NALCN: variants seen among roughly 807,000 people sequenced by gnomAD.
NALCN encodes the protein sodium leak channel, non-selective.
NALCN carries 111 observed loss-of-function variants against 225.3 expected under a neutral mutation model. The observed-to-expected ratio is 0.49, with a 90% CI of 0.42 to 0.58. The LOEUF (loss-of-function observed/expected upper bound fraction) is 0.58, where lower values mean the gene tolerates loss of function less well. NALCN is among the 20% of genes least tolerant of loss of function. NALCN has a pLI of 0.00. For missense variants in NALCN, 1,378 were observed against 2,202.4 expected (o/e 0.63, Z 7.49); for synonymous variants, 764 against 769.0 (o/e 0.99, Z 0.11).
chr13:101,286,864 T>TACACACACACACACACAC (rs71121180), intron 9 of NALCN, among the ~76,000 whole-genome samples: 1 of 146,956 alleles, frequency 6.8e-6, no homozygotes, highest in Non-Finnish European at 1.5e-5. Context: ...CCAGGTATTA[T>TACACACACACACACACAC]ACACACACAC....
chr13:101,393,967 A>G (rs996370556), intron 3 of NALCN, among the ~76,000 whole-genome samples: 3 of 152,238 alleles, frequency 2.0e-5, no homozygotes, highest in Non-Finnish European at 4.4e-5. Flanking sequence ...GTCTTGTTAC[A>G]AATATTTTAT....
At chr13:101,111,039 G>T in intron 19 of NALCN, 86 bp downstream of exon 19, 12 of 1,368,886 alleles carry the variant, frequency 8.8e-6, no homozygotes, top group Non-Finnish European at 1.2e-5. Context: ...AGCCAGGGCT[G>T]ACAGCCGTGA....
chr13:101,158,246 T>C (rs1212069644), intron 15 of NALCN, among the ~76,000 whole-genome samples: 4 of 152,222 alleles, frequency 2.6e-5, no homozygotes, highest in South Asian at 2.1e-4. Context: ...TTCTTTTTTG[T>C]ATAAGGAGAG....
intron 13 of NALCN, among the ~76,000 whole-genome samples, chr13:101,207,339 G>A (rs1231913646): frequency 6.6e-6 from 1 of 152,094 alleles, no homozygotes; most frequent in Non-Finnish European, 1.5e-5. Context: ...GTAAGTTAAG[G>A]TTGTATTTCA....
intron 1 of NALCN, among the ~76,000 whole-genome samples, chr13:101,415,401 C>T (rs1324838692): frequency 1.3e-5 from 2 of 151,916 alleles, no homozygotes; most frequent in African/African-American, 4.8e-5. Context: ...CCTTCTGAGG[C>T]CTGAAAGTGA....
At chr13:101,168,031 T>A (rs1000124307) in intron 15 of NALCN, among the ~76,000 whole-genome samples, 1 of 152,052 alleles carries the variant, frequency 6.6e-6, no homozygotes, top group Non-Finnish European at 1.5e-5. Context: ...ATGGTGACTA[T>A]TTTTTTGACC....
intron 7 of NALCN, among the ~76,000 whole-genome samples, chr13:101,299,359 A>T (rs1367366159): frequency 2.0e-5 from 3 of 152,226 alleles, no homozygotes; most frequent in Non-Finnish European, 1.5e-5. Flanking sequence ...ATAGTGCAAA[A>T]TGTTCCCAAA....
intron 43 of NALCN, 94 bp downstream of exon 43, chr13:101,057,845 A>G (rs929514750): frequency 1.1e-6 from 1 of 932,778 alleles, no homozygotes; most frequent in African/African-American, 1.6e-5. Context: ...GTAGATGCAG[A>G]CTTGCATTTT....
Position 101,143,193 on chromosome 13 carries a change from G to A in NALCN, c.2005C>T (p.Arg669Cys), listed in dbSNP as rs754995809. ...AGGCAACATGTGTCCTGTTGCTGGC[G>A]GTCAATAAACTGCTTCATAAAACTC... ...RESFMKQFID[R>C]QQQDTCCLLR... Residue 669 changes from arginine (R) to cysteine (C), a missense_variant, in exon 17 of 44, where the codon CGC becomes TGC. Around this residue, in one of 19 missense-constraint regions of NALCN, gnomAD observed 100 missense variants for 89.4 expected, o/e 1.12. Transcript: ENST00000251127. 17 of 1,612,010 alleles carry A rather than the reference G, an allele frequency of 1.1e-5. No homozygotes were observed. In the South Asian group the frequency reaches 1.2e-4, roughly 12 times the overall value.
At chr13:101,082,002 C>T (rs933148255) in intron 33 of NALCN, among the ~76,000 whole-genome samples, 2 of 151,976 alleles carry the variant, frequency 1.3e-5, no homozygotes, top group Admixed American at 6.6e-5. Flanking sequence ...CTCAGCCTCC[C>T]GAGTAGCTGA....
intron 17 of NALCN, among the ~76,000 whole-genome samples, chr13:101,127,869 C>A (rs948210262): frequency 1.3e-5 from 2 of 152,020 alleles, no homozygotes; most frequent in African/African-American, 2.4e-5. Context: ...TAAAGCTTTG[C>A]GAATTTTTTT....
intron 6 of NALCN, among the ~76,000 whole-genome samples, chr13:101,367,851 G>A (rs893836273): frequency 3.9e-5 from 6 of 152,004 alleles, no homozygotes; most frequent in African/African-American, 9.7e-5. Context: ...AGAATAAAAT[G>A]CCAACTTGTA....
At chr13:101,059,747 TTTTA>T in intron 42 of NALCN, 67 bp downstream of exon 42, 2 of 1,415,500 alleles carry the variant, frequency 1.4e-6, no homozygotes, top group Non-Finnish European at 2.0e-6. Context: ...CCAGCACCCA[TTTTA>T]TTTATTTTTA....
chr13:101,237,771 T>A lies in NALCN; in HGVS notation c.1418A>T (p.Gln473Leu). 6.3e-7 allele frequency: 1 copy of A among 1,579,256 alleles called. No individual in the cohort carries two copies. The highest frequency in any genetic ancestry group is 2.3e-5 in the East Asian group (1 of 43,036). Residue 473 changes from glutamine (Q) to leucine (L), a missense_variant, in exon 12 of 44, where the codon CAA (glutamine) becomes CTA (leucine). By Grantham distance (113) the Gln-to-Leu change is moderately radical. Around this residue, in one of 19 missense-constraint regions of NALCN, gnomAD observed 144 missense variants for 187.7 expected, o/e 0.77. Coordinates refer to ENST00000251127, the MANE Select transcript of NALCN (RefSeq NM_052867.4). ...LHVYPDLYHS[Q>L]FTYFQVLRVV... is the part of the protein sequence containing the mutation. ...TTTTATTACCTGAAAGTACGTGAAT[T>A]GTGAATGATAAAGATCTGGGTATAC... is the stretch of plus-strand genomic sequence containing the variant.
chr13:101,087,516 C>G (rs2033992381), intron 30 of NALCN, among the ~76,000 whole-genome samples: 1 of 150,558 alleles, frequency 6.6e-6, no homozygotes, highest in Non-Finnish European at 1.5e-5. Flanking sequence ...AGAAACTTTT[C>G]TAAAAGGCTC....
chr13:101,290,434 T>G (rs1057194328), intron 9 of NALCN, among the ~76,000 whole-genome samples: 2 of 152,240 alleles, frequency 1.3e-5, no homozygotes, highest in African/African-American at 2.4e-5. Flanking sequence ...GACCGGGAAC[T>G]TTCTTATCTC....
intron 1 of NALCN, among the ~76,000 whole-genome samples, chr13:101,406,039 T>C (rs73566036): frequency 0.022 from 3,397 of 151,768 alleles, 111 homozygotes; most frequent in East Asian, 0.11. Flanking sequence ...TTTCAGGCCA[T>C]GTGTGGTGGC....
chr13:101,358,402 T>C (rs1243867175), intron 6 of NALCN, among the ~76,000 whole-genome samples: 1 of 152,118 alleles, frequency 6.6e-6, no homozygotes, highest in African/African-American at 2.4e-5. Flanking sequence ...GAACAGACTC[T>C]TCTCAAAAGA....
chr13:101,268,493 G>A (rs1264324393), intron 10 of NALCN, among the ~76,000 whole-genome samples: 3 of 152,042 alleles, frequency 2.0e-5, no homozygotes, highest in Non-Finnish European at 4.4e-5. Flanking sequence ...ACTATTTTCT[G>A]GGCTTTTCTA....
Sources: allele counts gnomAD v4.1 joint callset (sites outside exome capture counted in the v4.1 genomes callset), GRCh38; gene constraint gnomAD v4.1.1; regional missense constraint gnomAD v4.1.1; transcripts MANE v1.5; gene names NCBI Gene and HGNC (gene_info 2026-07-23, HGNC 2026-07-21).